TAOK1: variants seen among roughly 807,000 people sequenced by gnomAD.
The protein encoded by TAOK1 is serine/threonine-protein kinase TAO1.
TAOK1 carries 21 observed loss-of-function variants against 138.3 expected under a neutral mutation model. That is an observed-to-expected ratio of 0.15 (90% CI 0.11 to 0.22). TAOK1 has a LOEUF of 0.22. Among genes scored for constraint, TAOK1 ranks in the 10% least tolerant of loss-of-function variants. TAOK1 has a pLI of 1.00. For missense variants in TAOK1, 651 were observed against 1,227.7 expected (o/e 0.53, Z 7.02); for synonymous variants, 361 against 398.4 (o/e 0.91, Z 1.12).
chr17:29,402,989 G>C (rs975142325), intron 1 of TAOK1, among the ~76,000 whole-genome samples: 2 of 149,326 alleles, frequency 1.3e-5, no homozygotes, highest in African/African-American at 4.9e-5. Flanking sequence ...GCAAAACTTA[G>C]TCTCAAAAAA....
chr17:29,434,787 G>C (rs1427559262), intron 1 of TAOK1, among the ~76,000 whole-genome samples: 1 of 152,142 alleles, frequency 6.6e-6, no homozygotes, highest in Non-Finnish European at 1.5e-5. Flanking sequence ...TTTAACCTCT[G>C]TTGTCATTTG....
Position 29,453,818 on chromosome 17 carries a change from T to G in TAOK1, c.132+2138T>G, listed in dbSNP as rs142255631. On this transcript the variant is annotated intron_variant, in intron 2 of 19. Transcript: ENST00000261716. ...TCACTTAGGTTTTTTTGTTTTTTTT[T>G]TTTTTGAGACAGGGTCTCTCACTCT... is the stretch of plus-strand genomic sequence containing the variant. Among the ~76,000 whole-genome samples the G allele has an allele frequency of 5.0e-3, 743 of 149,096 alleles. 12 individuals carry two copies. Among genetic ancestry groups the G allele is most frequent in the African/African-American group, 0.018 (717 of 40,454 alleles).
At chr17:29,464,032 T>A (rs941372708) in intron 2 of TAOK1, among the ~76,000 whole-genome samples, 1 of 152,152 alleles carries the variant, frequency 6.6e-6, no homozygotes, top group African/African-American at 2.4e-5. Flanking sequence ...AAAGACCACA[T>A]ATATGATTAC....
intron 17 of TAOK1, among the ~76,000 whole-genome samples, chr17:29,529,905 T>C (rs508694): frequency 0.38 from 57,096 of 150,992 alleles, 12,016 homozygotes; most frequent in Non-Finnish European, 0.48. Context: ...CGCACACTTG[T>C]GGTCCCAGCT....
chr17:29,538,813 T>A (rs1366524830), intron 19 of TAOK1, among the ~76,000 whole-genome samples: 1 of 152,234 alleles, frequency 6.6e-6, no homozygotes, highest in Non-Finnish European at 1.5e-5. Context: ...ACAACACAAC[T>A]ATAAATGTTA....
intron 9 of TAOK1, 64 bp from the exon 10 acceptor site, chr17:29,491,720 G>T: frequency 8.3e-7 from 1 of 1,209,952 alleles, no homozygotes; most frequent in South Asian, 1.2e-5. Flanking sequence ...CACGTGTCTT[G>T]ATTTGTGAAT....
chr17:29,530,024 C>T (rs972479676), intron 17 of TAOK1, among the ~76,000 whole-genome samples: 1 of 149,996 alleles, frequency 6.7e-6, no homozygotes, highest in African/African-American at 2.5e-5. Flanking sequence ...GAGACTCCAT[C>T]TCAAAAAAAA....
intron 2 of TAOK1, among the ~76,000 whole-genome samples, chr17:29,461,034 T>G (rs1192287522): frequency 6.6e-6 from 1 of 152,206 alleles, no homozygotes; most frequent in Admixed American, 6.5e-5. Context: ...AACTGGATTA[T>G]TTCAGAGAGC....
chr17:29,488,635 AT>A (rs533057406), intron 8 of TAOK1, among the ~76,000 whole-genome samples: 43 of 150,382 alleles, frequency 2.9e-4, no homozygotes, highest in African/African-American at 3.6e-4. Flanking sequence ...TGTTAAAACA[AT>A]TTTTTTTCGC....
chr17:29,522,979 G>A (rs1046429539), intron 17 of TAOK1, among the ~76,000 whole-genome samples: 2 of 151,158 alleles, frequency 1.3e-5, no homozygotes, highest in African/African-American at 4.9e-5. Flanking sequence ...GGGGGCTGAA[G>A]CAGGAGAATC....
intron 10 of TAOK1, among the ~76,000 whole-genome samples, chr17:29,493,341 A>AAAATTAGCC (rs1367334033): frequency 1.3e-5 from 2 of 151,848 alleles, no homozygotes; most frequent in Non-Finnish European, 2.9e-5. Context: ...CTAAAAATAC[A>AAAATTAGCC]AAATTAGCCG....
chr17:29,484,805 A>T (rs1394016834), intron 8 of TAOK1, among the ~76,000 whole-genome samples: 1 of 152,090 alleles, frequency 6.6e-6, no homozygotes, highest in Admixed American at 6.6e-5. Context: ...GGTTTTCACC[A>T]TGTTGGCCAG....
intron 1 of TAOK1, among the ~76,000 whole-genome samples, chr17:29,402,336 C>T (rs1904872801): frequency 6.6e-6 from 1 of 151,934 alleles, no homozygotes. Context: ...GGTCTCAGTC[C>T]CCTTCCCTAT....
chr17:29,456,847 C>T (rs528606118), intron 2 of TAOK1, among the ~76,000 whole-genome samples: 7 of 150,210 alleles, frequency 4.7e-5, no homozygotes, highest in Admixed American at 1.3e-4. Context: ...CATTCTCCTG[C>T]GTCAGCCCCC....
intron 1 of TAOK1, among the ~76,000 whole-genome samples, chr17:29,397,759 A>G (rs888666184): frequency 1.5e-5 from 2 of 130,500 alleles, no homozygotes; most frequent in Non-Finnish European, 3.3e-5. Context: ...ACACGTATGT[A>G]TATATGTATA....
rs1463508907 is a variant in TAOK1 at position 29,547,587 on chromosome 17, T to C, written c.*4565T>C. 1 of 152,100 alleles carries C rather than the reference T, an allele frequency of 6.6e-6. No individual in the cohort carries two copies. The highest frequency in any genetic ancestry group is 1.5e-5 in the Non-Finnish European group (1 of 67,980). 9.4% of individuals were successfully genotyped at this position (152,100 alleles called of 1,614,324 possible). ...TATTTAAGGTATATAAGTGTGAATCTCCTATAATGATGGAAGAAGAGGTTC... is the reference window on the plus strand; with the variant it reads ...TATTTAAGGTATATAAGTGTGAATCCCCTATAATGATGGAAGAAGAGGTTC... On this transcript the variant is annotated 3_prime_UTR_variant, in exon 20 of 20. Transcript: ENST00000261716.
At chr17:29,413,527 C>T (rs1002594332) in intron 1 of TAOK1, among the ~76,000 whole-genome samples, 3 of 152,022 alleles carry the variant, frequency 2.0e-5, no homozygotes, top group Admixed American at 2.0e-4. Context: ...GTCCAGGAGG[C>T]GGAGGTTGTA....
At chr17:29,505,025 C>T (rs1293214265) in intron 13 of TAOK1, among the ~76,000 whole-genome samples, 2 of 152,034 alleles carry the variant, frequency 1.3e-5, no homozygotes, top group Non-Finnish European at 2.9e-5. Flanking sequence ...AGTTTGGCTT[C>T]CTCAAATCAA....
Position 29,534,241 on chromosome 17 carries a change from C to T in TAOK1, c.2485C>T (p.Arg829Ter), listed in dbSNP as rs1359582686. 6.2e-7 allele frequency: 1 copy of T among 1,613,068 alleles called. No homozygotes were observed. The highest frequency in any genetic ancestry group is 1.1e-5 in the South Asian group (1 of 90,762). Residue 829 changes from arginine to a stop codon, truncating the protein, a stop_gained, in exon 19 of 20, where the codon CGA becomes TGA. Coordinates refer to ENST00000261716, the MANE Select transcript of TAOK1 (RefSeq NM_020791.4). LOFTEE classifies it high-confidence loss of function. ...GATGCAAGCTGAGGCACAACATGAT[C>T]GAGAGCTTCGCGAGCTTGAACAGAG... ...IKMQAEAQHD[R>*]ELRELEQRVS...
Sources: allele counts gnomAD v4.1 joint callset (sites outside exome capture counted in the v4.1 genomes callset), GRCh38; gene constraint gnomAD v4.1.1; transcripts MANE v1.5; gene names NCBI Gene and HGNC (gene_info 2026-07-23, HGNC 2026-07-21).